The following ATP5PO variants were observed in gnomAD, a reference collection of about 807,000 sequenced individuals.
The protein encoded by ATP5PO is ATP synthase peripheral stalk subunit OSCP, mitochondrial.
In ATP5PO, 14 loss-of-function variants were observed where a neutral mutation model predicts 26.2. The observed-to-expected ratio is 0.53, with a 90% CI of 0.35 to 0.83. The LOEUF (loss-of-function observed/expected upper bound fraction) is 0.83, where lower values mean the gene tolerates loss of function less well. Ranked by LOEUF, ATP5PO falls within the 40% of genes least tolerant of loss-of-function variation. The pLI is 0.01. For synonymous variants in ATP5PO, 106 were observed against 95.1 expected, an observed-to-expected ratio of 1.12 and a Z score of -0.67; for missense variants, 241 against 258.5, an observed-to-expected ratio of 0.93 and a Z score of 0.46.
Position 33,905,918 on chromosome 21 carries a change from G to GAAAAAAAAAAAAAAAAAAA in ATP5PO, c.441+1404_441+1422dup, listed in dbSNP as rs59334506. ...CAGAGTGAGACTCAGTCTCAAAAAA[G>GAAAAAAAAAAAAAAAAAAA]AAAAAAAAAAAAAAAAAAAAGAAAA... On this transcript the variant is annotated intron_variant, in intron 5 of 6. Transcript: ENST00000290299. Among the ~76,000 whole-genome samples, 50 of 98,410 alleles carry GAAAAAAAAAAAAAAAAAAA rather than the reference G, an allele frequency of 5.1e-4. 1 individual carries two copies. The highest frequency in any genetic ancestry group is 7.7e-4 in the South Asian group (2 of 2,590). 64.6% of individuals were successfully genotyped at this position (98,410 alleles called of 152,430 possible). A position where few individuals can be genotyped will look rare whatever the true frequency, so the allele number is the denominator to read the frequency against.
Position 33,914,427 on chromosome 21 carries a change from CAGA to C in ATP5PO, c.87+20_87+22del. The C allele has an allele frequency of 6.2e-7, 1 of 1,607,340 alleles. No individual in the cohort carries two copies. Among genetic ancestry groups the C allele is most frequent in the Non-Finnish European group, 8.5e-7 (1 of 1,174,668 alleles). ...CACACTTTCGCGTACTTTATCATTA[CAGA>C]AGAATATAAATTAACATACCCTCAC... On this transcript the variant is annotated intron_variant, in intron 2 of 6. Transcript: ENST00000290299.
chr21:33,904,544 C>T (rs1569365537), intron 5 of ATP5PO, among the ~76,000 whole-genome samples: 1 of 152,200 alleles, frequency 6.6e-6, no homozygotes, highest in Non-Finnish European at 1.5e-5. Context: ...TCTGGCAGGC[C>T]ACTCCACTCT....
At chr21:33,911,376 C>T (rs1208415655) in intron 3 of ATP5PO, among the ~76,000 whole-genome samples, 1 of 152,188 alleles carries the variant, frequency 6.6e-6, no homozygotes, top group African/African-American at 2.4e-5. Flanking sequence ...ACTAACTCTG[C>T]TGCCCAGCGC....
chr21:33,904,075 G>C, intron 5 of ATP5PO, 54 bp from the exon 6 acceptor site: 1 of 1,484,758 alleles, frequency 6.7e-7, no homozygotes, highest in Admixed American at 1.9e-5. Flanking sequence ...GAAACTTCCA[G>C]AGTTAAAATA....
intron 5 of ATP5PO, chr21:33,907,122 C>T: frequency 1.9e-6 from 1 of 538,490 alleles, no homozygotes; most frequent in Non-Finnish European, 3.3e-6. Context: ...TAACCCAGGC[C>T]TTATGAATAA....
chr21:33,903,719 T>C (rs2148604826), intron 6 of ATP5PO, 80 bp from the exon 7 acceptor site: 1 of 1,452,182 alleles, frequency 6.9e-7, no homozygotes, highest in Non-Finnish European at 9.6e-7. Flanking sequence ...AAAGGCTAAA[T>C]GTGTTGCACA....
chr21:33,906,468 G>C (rs541116841), intron 5 of ATP5PO: 3 of 339,336 alleles, frequency 8.8e-6, no homozygotes, highest in African/African-American at 6.6e-5. Context: ...CTTTGGGCAA[G>C]CGACTTCATC....
intron 2 of ATP5PO, among the ~76,000 whole-genome samples, chr21:33,913,784 A>T (rs1029391013): frequency 2.0e-5 from 3 of 146,508 alleles, no homozygotes; most frequent in Non-Finnish European, 4.5e-5. Context: ...GTACCTTGAT[A>T]TTTTTTTTTT....
At chr21:33,915,278 A>G in intron 1 of ATP5PO, 1 of 183,928 alleles carries the variant, frequency 5.4e-6, no homozygotes, top group South Asian at 9.2e-5. Context: ...CTGAGCAGCC[A>G]AAGACTCATT....
intron 3 of ATP5PO, among the ~76,000 whole-genome samples, chr21:33,909,567 T>A (rs993875529): frequency 6.6e-6 from 1 of 152,154 alleles, no homozygotes; most frequent in Non-Finnish European, 1.5e-5. Flanking sequence ...TGCCCGGCCA[T>A]ACAAACACTT....
rs190635351 is a variant in ATP5PO at position 33,906,668 on chromosome 21, C to A, written c.441+673G>T. ...CAACGGCTCTACTCCTTCCCACTCA[C>A]CACCACCAAAGATGAAAGGTTAGTA... is the stretch of plus-strand genomic sequence containing the variant. On this transcript the variant is annotated intron_variant, in intron 5 of 6. Coordinates refer to ENST00000290299, the MANE Select transcript of ATP5PO (RefSeq NM_001697.3). The A allele has an allele frequency of 3.8e-4, 174 of 456,272 alleles. 3 individuals are homozygous for A. In the East Asian group the frequency reaches 0.011, roughly 28 times the overall value. The allele number at this position is 456,272 out of a possible 1,614,324, so 28.3% of individuals were successfully genotyped here. A position where few individuals can be genotyped will look rare whatever the true frequency, so the allele number is the denominator to read the frequency against.
chr21:33,904,581 C>A (rs2148605054), intron 5 of ATP5PO, among the ~76,000 whole-genome samples: 1 of 152,332 alleles, frequency 6.6e-6, no homozygotes, highest in South Asian at 2.1e-4. Context: ...GAACCTGGAG[C>A]AGTTGGCTTT....
chr21:33,903,997 CAG>C lies in ATP5PO; in HGVS notation c.464_465del (p.Ser155Ter). ...AAGCTCTTGAGGACAGTTTTTAATT[CAG>C]AGAGTGTGGCTTCTTCTAAAGGCTG... ...SASPLEEATL[S>X]ELKTVLKSFL... On this transcript the variant is annotated frameshift_variant, in exon 6 of 7. Coordinates refer to ENST00000290299, the MANE Select transcript of ATP5PO (RefSeq NM_001697.3). LOFTEE classifies it high-confidence loss of function. The C allele has an allele frequency of 1.2e-6, 2 of 1,613,388 alleles. No individual in the cohort carries two copies. The highest frequency in any genetic ancestry group is 1.7e-6 in the Non-Finnish European group (2 of 1,179,722).
At chr21:33,915,562 G>A (rs919883404) in intron 1 of ATP5PO, 166 bp downstream of exon 1, 5 of 1,067,484 alleles carry the variant, frequency 4.7e-6, no homozygotes, top group Non-Finnish European at 6.6e-6. Context: ...GCATCCCGGG[G>A]GACAAACGCT....
chr21:33,909,417 C>T (rs1318098010), intron 3 of ATP5PO, among the ~76,000 whole-genome samples: 1 of 149,522 alleles, frequency 6.7e-6, no homozygotes, highest in African/African-American at 2.4e-5. Context: ...ATAGCTGCAC[C>T]ACCATGTCCC....
rs963662396 is a variant in ATP5PO, at chr21:33,905,923, A to G, written c.441+1418T>C. Among the ~76,000 whole-genome samples, 337 of 150,252 alleles carry G rather than the reference A, an allele frequency of 2.2e-3. 5 individuals are homozygous for G. The South Asian group carries it at 0.037, about 17-fold the overall frequency. On this transcript the variant is annotated intron_variant, in intron 5 of 6. Coordinates refer to ENST00000290299, the MANE Select transcript of ATP5PO (RefSeq NM_001697.3). ...TGAGACTCAGTCTCAAAAAAGAAAA[A>G]AAAAAAAAAAAAAAAGAAAATCATG...
chr21:33,908,131 G>GCA (rs1987198259), intron 4 of ATP5PO, among the ~76,000 whole-genome samples: 1 of 141,586 alleles, frequency 7.1e-6, no homozygotes, highest in Non-Finnish European at 1.5e-5. Context: ...CTGTGCCACT[G>GCA]CACTCCAGCT....
chr21:33,914,651 C>T (rs1023551370), intron 1 of ATP5PO, 151 bp from the exon 2 acceptor site: 23 of 666,340 alleles, frequency 3.5e-5, no homozygotes, highest in Non-Finnish European at 4.7e-5. Flanking sequence ...GAGCTACTTA[C>T]TATTACTAAG....
Position 33,911,101 on chromosome 21 carries a change from C to T in ATP5PO, c.198+1188G>A, listed in dbSNP as rs190388576. Among the ~76,000 whole-genome samples the T allele has an allele frequency of 5.9e-5, 9 of 152,334 alleles. No homozygotes were observed. In the East Asian group the frequency reaches 1.7e-3, roughly 29 times the overall value. The stretch of plus-strand genomic sequence containing the variant: ...GCTATATACCAGACTGCGTCTCCCT[C>T]ACCTTTTTTAATGCAGACCTTACTG... On this transcript the variant is annotated intron_variant, in intron 3 of 6. Coordinates refer to ENST00000290299, the MANE Select transcript of ATP5PO (RefSeq NM_001697.3).
Sources: gnomAD v4.1 joint callset for allele counts (sites outside exome capture counted in the v4.1 genomes callset) on GRCh38, gnomAD v4.1.1 for gene constraint, MANE v1.5 for transcripts, NCBI Gene and HGNC (gene_info 2026-07-23, HGNC 2026-07-21) for gene names.